Variants in TNFRSF19 observed in about 807,000 individuals in gnomAD.
TNFRSF19 encodes the protein tumor necrosis factor receptor superfamily member 19.
A neutral mutation model predicts 46.4 loss-of-function variants in TNFRSF19; 27 were observed. The ratio of observed to expected loss-of-function variants is 0.58; its 90% confidence interval spans 0.43 to 0.80. The LOEUF (loss-of-function observed/expected upper bound fraction) is 0.80, where lower values mean the gene tolerates loss of function less well. TNFRSF19 is among the 30% of genes least tolerant of loss of function. The pLI is 0.00. For missense variants in TNFRSF19, 511 were observed against 530.8 expected (o/e 0.96, Z 0.37); for synonymous variants, 204 against 205.0 (o/e 1.00, Z 0.04).
At chr13:23,611,752 T>G (rs1239957670) in intron 3 of TNFRSF19, among the ~76,000 whole-genome samples, 1 of 152,214 alleles carries the variant, frequency 6.6e-6, no homozygotes, top group Non-Finnish European at 1.5e-5. Context: ...GATACTATTT[T>G]CATTTGCTGC....
intron 1 of TNFRSF19, among the ~76,000 whole-genome samples, chr13:23,581,270 C>G (rs966227853): frequency 6.6e-6 from 1 of 152,110 alleles, no homozygotes; most frequent in Non-Finnish European, 1.5e-5. Context: ...CTCAGCCTCC[C>G]GAGTAGCTGG....
chr13:23,573,388 CCATAATTTAA>C (rs1472651943), intron 1 of TNFRSF19, among the ~76,000 whole-genome samples: 1 of 152,034 alleles, frequency 6.6e-6, no homozygotes, highest in Non-Finnish European at 1.5e-5. Flanking sequence ...TAGCTGCTAC[CCATAATTTAA>C]CATAATTTAA....
At chr13:23,613,419 T>C (rs1301717839) in intron 3 of TNFRSF19, among the ~76,000 whole-genome samples, 1 of 152,248 alleles carries the variant, frequency 6.6e-6, no homozygotes, top group Non-Finnish European at 1.5e-5. Context: ...TTAGATCCAA[T>C]GTAGGAAAAT....
At chr13:23,604,546 C>T (rs916465444) in intron 3 of TNFRSF19, among the ~76,000 whole-genome samples, 1 of 152,008 alleles carries the variant, frequency 6.6e-6, no homozygotes, top group African/African-American at 2.4e-5. Context: ...CCAGAATAAT[C>T]AACACAGTTA....
rs552685592 is a variant in TNFRSF19, at chr13:23,657,676, C to T, written c.446-1374C>T. ...GTAAAATAGACTAAAGTTAATTTTA[C>T]CTGTTTCTTCTTCTTCTTCTTCTTC... On this transcript the variant is annotated intron_variant, in intron 5 of 9. Coordinates refer to ENST00000248484, the MANE Select transcript of TNFRSF19 (RefSeq NM_148957.4). 1.1e-4 allele frequency among the ~76,000 whole-genome samples: 17 copies of T among 151,482 alleles called. 1 individual carries two copies. In the South Asian group the frequency reaches 3.3e-3, roughly 30 times the overall value.
At chr13:23,594,639 T>A (rs1441659139) in intron 3 of TNFRSF19, among the ~76,000 whole-genome samples, 1 of 152,108 alleles carries the variant, frequency 6.6e-6, no homozygotes, top group Non-Finnish European at 1.5e-5. Context: ...TAAACTCCCA[T>A]CTCCCTGGAA....
chr13:23,608,122 A>G (rs970779697), intron 3 of TNFRSF19, among the ~76,000 whole-genome samples: 22 of 152,044 alleles, frequency 1.4e-4, no homozygotes, highest in African/African-American at 5.1e-4. Flanking sequence ...ACTTCCTTTC[A>G]ATTATTAGGT....
At chr13:23,600,018 A>C (rs1880024025) in intron 3 of TNFRSF19, among the ~76,000 whole-genome samples, 1 of 152,234 alleles carries the variant, frequency 6.6e-6, no homozygotes, top group African/African-American at 2.4e-5. Flanking sequence ...GAAACTTCAC[A>C]GATTCTGAGA....
At chr13:23,648,646 T>C (rs887632403) in intron 5 of TNFRSF19, among the ~76,000 whole-genome samples, 1 of 152,200 alleles carries the variant, frequency 6.6e-6, no homozygotes, top group African/African-American at 2.4e-5. Context: ...TAAAAGTGGG[T>C]ATCCTTGTCT....
chr13:23,648,110 T>A (rs1410951159), intron 5 of TNFRSF19, among the ~76,000 whole-genome samples: 1 of 152,218 alleles, frequency 6.6e-6, no homozygotes, highest in African/African-American at 2.4e-5. Flanking sequence ...GATAGGCTTT[T>A]TCACTTCTGT....
At chr13:23,651,967 ACCTAATGGTTGTTTGG>A (rs1277465604) in intron 5 of TNFRSF19, among the ~76,000 whole-genome samples, 5 of 145,142 alleles carry the variant, frequency 3.4e-5, no homozygotes, top group African/African-American at 1.3e-4. Flanking sequence ...AGATCCAGCC[ACCTAATGGTTGTTTGG>A]CATTAAAAAG....
Position 23,616,044 on chromosome 13 carries a change from G to T in TNFRSF19, c.358G>T (p.Gly120Ter). ...TGCCATCTGCGGGGACTGCTTGCCA[G>T]GGTGAGTTGGCCAGTTTCTTTCACT... ...SDAICGDCLP[G>*]FYRKTKLVGF... The change falls in exon 4 of 10, where the codon GGA (glycine) becomes TGA (stop). Residue 120 changes from glycine to a stop codon, truncating the protein, a stop_gained and splice_region_variant. Coordinates refer to ENST00000248484, the MANE Select transcript of TNFRSF19 (RefSeq NM_148957.4). LOFTEE classifies it high-confidence loss of function. 1 of 1,587,174 alleles carries T rather than the reference G, an allele frequency of 6.3e-7. No individual in the cohort carries two copies. Among genetic ancestry groups the T allele is most frequent in the Non-Finnish European group, 8.6e-7 (1 of 1,163,802 alleles).
In TNFRSF19 at chr13:23,659,099, A is replaced by G; in HGVS notation, c.495A>G (p.Pro165=). The G allele has an allele frequency of 6.2e-7, 1 of 1,613,978 alleles. No homozygotes were observed. The highest frequency in any genetic ancestry group is 1.3e-5 in the African/African-American group (1 of 75,056). Residue 165 remains proline, a synonymous_variant, in exon 6 of 10, where the codon CCA becomes CCG. Transcript: ENST00000248484. The surrounding 1 kb of genome is among the most constrained non-coding windows in gnomAD (Gnocchi z 4.9). Reference sequence around the variant, plus strand: ...AGATCGCGTCCACGGCCTCCAGCCCACGGGACACGGCGCTGGCTGCCGTTA... The same window carrying G: ...AGATCGCGTCCACGGCCTCCAGCCCGCGGGACACGGCGCTGGCTGCCGTTA... ...LVKIASTASS[P]RDTALAAVIC...
chr13:23,600,225 C>T (rs1566175866), intron 3 of TNFRSF19, among the ~76,000 whole-genome samples: 1 of 152,142 alleles, frequency 6.6e-6, no homozygotes, highest in Non-Finnish European at 1.5e-5. Flanking sequence ...GTCACTCTAT[C>T]CCAACAGGAA....
intron 3 of TNFRSF19, among the ~76,000 whole-genome samples, chr13:23,598,177 T>C (rs1414763383): frequency 2.6e-5 from 4 of 152,012 alleles, no homozygotes; most frequent in East Asian, 3.9e-4. Context: ...CCCATTCTCA[T>C]TGAACAATGA....
At chr13:23,609,882 G>T (rs1278156356) in intron 3 of TNFRSF19, among the ~76,000 whole-genome samples, 3 of 152,168 alleles carry the variant, frequency 2.0e-5, no homozygotes, top group African/African-American at 2.4e-5. Context: ...GCCTAGGGAT[G>T]GTTGTAAGAT....
intron 7 of TNFRSF19, among the ~76,000 whole-genome samples, chr13:23,662,679 TTGTC>T (rs1884446072): frequency 6.6e-6 from 1 of 152,230 alleles, no homozygotes; most frequent in Non-Finnish European, 1.5e-5. Flanking sequence ...GTTTTTTCAT[TTGTC>T]TGTGTCTTCT....
At chr13:23,606,450 G>A (rs1206557611) in intron 3 of TNFRSF19, among the ~76,000 whole-genome samples, 3 of 152,114 alleles carry the variant, frequency 2.0e-5, no homozygotes, top group Non-Finnish European at 2.9e-5. Context: ...ACCCACTCAG[G>A]TGCACAGTTG....
At chr13:23,589,850 T>C (rs1879124884) in intron 1 of TNFRSF19, among the ~76,000 whole-genome samples, 1 of 139,202 alleles carries the variant, frequency 7.2e-6, no homozygotes, top group South Asian at 2.3e-4. Flanking sequence ...GTGAAGTAGA[T>C]TGGCTGCTGT....
Sources: gnomAD v4.1 joint callset for allele counts (sites outside exome capture counted in the v4.1 genomes callset) on GRCh38, gnomAD v4.1.1 for gene constraint, Gnocchi (gnomAD v3.1) non-coding constraint, MANE v1.5 for transcripts, NCBI Gene and HGNC (gene_info 2026-07-23, HGNC 2026-07-21) for gene names.